Variants in STAT5B observed in about 807,000 individuals in gnomAD.
STAT5B encodes the protein transcription factor STAT5B.
Under a neutral mutation model 107.8 loss-of-function variants are expected in STAT5B, and 21 were observed. The ratio of observed to expected loss-of-function variants is 0.19; its 90% CI spans 0.14 to 0.28. STAT5B has a LOEUF of 0.28. Ranked by LOEUF, STAT5B falls within the 10% of genes least tolerant of loss-of-function variation. STAT5B has a pLI of 1.00. For missense variants in STAT5B, 565 were observed against 1,008.2 expected (o/e 0.56, Z 5.95); for synonymous variants, 325 against 401.7 (o/e 0.81, Z 2.28).
Position 42,220,057 on chromosome 17 carries a change from G to A in STAT5B, c.551-215C>T, listed in dbSNP as rs571049499. ...CTCGCCAGCCTCCTGACTCTGAGCC[G>A]TCCCCTCTGGGGGCACACGGGTGCT... On this transcript the variant is annotated intron_variant, in intron 5 of 18. Coordinates refer to ENST00000293328, the MANE Select transcript of STAT5B (RefSeq NM_012448.4). 1.6e-3 allele frequency among the ~76,000 whole-genome samples: 249 copies of A among 152,294 alleles called. 3 individuals carry two copies. Among genetic ancestry groups the A allele is most frequent in the African/African-American group, 5.6e-3 (231 of 41,582 alleles).
intron 1 of STAT5B, among the ~76,000 whole-genome samples, chr17:42,261,948 C>G (rs557323714): frequency 5.9e-5 from 9 of 152,136 alleles, no homozygotes; most frequent in Non-Finnish European, 1.3e-4. Context: ...AATCCTTCCC[C>G]CTCAGCCTCC....
rs147066043 is a variant in STAT5B, at chr17:42,223,458, T to C, written c.474A>G (p.Thr158=). The C allele has an allele frequency of 4.2e-5, 68 of 1,614,088 alleles. No individual in the cohort carries two copies. The highest frequency in any genetic ancestry group is 5.4e-5 in the Non-Finnish European group (64 of 1,180,042). Residue 158 remains threonine (T), a synonymous_variant, in exon 5 of 19, where the codon ACA becomes ACG. Coordinates refer to ENST00000293328, the MANE Select transcript of STAT5B (RefSeq NM_012448.4). ...GCTGCAGCTTTTTTAACTCATTCTC[T>C]GTGTCCTGCGTGACCAGTCGCAGCT... The part of the protein sequence containing the change: ...FEELRLVTQD[T]ENELKKLQQT...
In STAT5B at chr17:42,218,190, T is replaced by C. The variant is rs1456750265; in HGVS notation, c.1130A>G (p.Gln377Arg). Residue 377 changes from glutamine to arginine, a missense_variant, in exon 9 of 19, where the codon CAG (glutamine) becomes CGG (arginine). This residue lies in a region of STAT5B where 70 missense variants were observed against 73.2 expected (regional missense o/e 0.96). Transcript: ENST00000293328. ...GTTCTTGAGCAGAGACTTGGCCTGC[T>C]GCTCACTGATGATGGTGGCCTTCAC... ...PQVKATIISE[Q>R]QAKSLLKNEN... The C allele has an allele frequency of 1.2e-6, 2 of 1,614,088 alleles. No individual in the cohort carries two copies. Among genetic ancestry groups the C allele is most frequent in the African/African-American group, 2.7e-5 (2 of 74,934 alleles).
chr17:42,207,506 C>G, intron 16 of STAT5B, 52 bp downstream of exon 16: 1 of 1,592,844 alleles, frequency 6.3e-7, no homozygotes, highest in Non-Finnish European at 8.6e-7. Flanking sequence ...CACACACACA[C>G]ACACACACAC....
Position 42,218,174 on chromosome 17 carries a change from C to A in STAT5B, c.1146G>T (p.Leu382=). Residue 382 remains leucine (L), a synonymous_variant, in exon 9 of 19, where the codon CTG becomes CTT. Coordinates refer to ENST00000293328, the MANE Select transcript of STAT5B (RefSeq NM_012448.4). ...ACTTGCGGGTGTTCTCGTTCTTGAG[C>A]AGAGACTTGGCCTGCTGCTCACTGA... The part of the protein sequence containing the change: ...TIISEQQAKS[L]LKNENTRNDY... 1.2e-6 allele frequency: 2 copies of A among 1,614,126 alleles called. No homozygotes were observed. The highest frequency in any genetic ancestry group is 1.7e-6 in the Non-Finnish European group (2 of 1,180,022).
chr17:42,230,838 T>A (rs2080311866), intron 2 of STAT5B, among the ~76,000 whole-genome samples: 1 of 152,002 alleles, frequency 6.6e-6, no homozygotes, highest in African/African-American at 2.4e-5. Context: ...TTTTTTGTAT[T>A]TTCAGTAGAG....
chr17:42,267,094 TA>T (rs1358308733), intron 1 of STAT5B, among the ~76,000 whole-genome samples: 2 of 152,180 alleles, frequency 1.3e-5, no homozygotes, highest in Admixed American at 6.5e-5. Context: ...CATAATGTTG[TA>T]ATGCAATGCA....
At chr17:42,222,300 T>A (rs1196102252) in intron 5 of STAT5B, among the ~76,000 whole-genome samples, 1 of 152,052 alleles carries the variant, frequency 6.6e-6, no homozygotes, top group Non-Finnish European at 1.5e-5. Flanking sequence ...AAGCTCAAAC[T>A]GCCAAACTGC....
In STAT5B at chr17:42,201,196, AGG is replaced by A. The variant is rs2080040809; in HGVS notation, c.*540_*541del. ...ACCCAAGAACACAGGGGTGGGGGAG[AGG>A]GAAGGCTCTCTTTGTCAAAAAGCAG... On this transcript the variant is annotated 3_prime_UTR_variant, in exon 19 of 19. Coordinates refer to ENST00000293328, the MANE Select transcript of STAT5B (RefSeq NM_012448.4). 1.5e-5 allele frequency: 6 copies of A among 413,618 alleles called. No individual in the cohort carries two copies. The highest frequency in any genetic ancestry group is 1.0e-4 in the African/African-American group (5 of 48,848). 25.6% of individuals were successfully genotyped at this position (413,618 alleles called of 1,614,324 possible).
At chr17:42,248,657 T>TC (rs1200522426) in intron 1 of STAT5B, among the ~76,000 whole-genome samples, 1 of 151,902 alleles carries the variant, frequency 6.6e-6, no homozygotes, top group African/African-American at 2.4e-5. Context: ...ACTGAAAGGC[T>TC]CCCACCTCTT....
intron 1 of STAT5B, among the ~76,000 whole-genome samples, chr17:42,248,500 G>C (rs1349330030): frequency 2.0e-5 from 3 of 152,124 alleles, no homozygotes; most frequent in Non-Finnish European, 4.4e-5. Context: ...CATAGTGGGA[G>C]TAAATAAAAT....
chr17:42,230,667 GTTT>G (rs922320856), intron 2 of STAT5B, among the ~76,000 whole-genome samples: 4 of 143,950 alleles, frequency 2.8e-5, no homozygotes, highest in African/African-American at 5.1e-5. Flanking sequence ...GTTTAGTTTT[GTTT>G]TTTTTTTTTA....
chr17:42,266,703 C>T (rs1186746917), intron 1 of STAT5B, among the ~76,000 whole-genome samples: 1 of 151,798 alleles, frequency 6.6e-6, no homozygotes, highest in East Asian at 1.9e-4. Context: ...AGACCCCTGT[C>T]TCTATTTTTT....
rs888253377 is a variant in STAT5B at position 42,199,383 on chromosome 17, A to G, written c.*2355T>C. On this transcript the variant is annotated 3_prime_UTR_variant, in exon 19 of 19. Transcript: ENST00000293328. ...AATTTCACCAAGTTTTAAAAAGAAA[A>G]ATTATAAAAAGTATACTTTCATTTT... 1.3e-5 allele frequency: 2 copies of G among 152,218 alleles called. No homozygotes were observed. Among genetic ancestry groups the G allele is most frequent in the Non-Finnish European group, 2.9e-5 (2 of 68,042 alleles). 9.4% of individuals were successfully genotyped at this position (152,218 alleles called of 1,614,324 possible).
At chr17:42,224,553 G>A (rs2080257300) in intron 4 of STAT5B, among the ~76,000 whole-genome samples, 1 of 151,816 alleles carries the variant, frequency 6.6e-6, no homozygotes, top group Admixed American at 6.6e-5. Flanking sequence ...TGTTGCCCAG[G>A]GTGCTCTCGA....
At chr17:42,258,012 A>G (rs773347651) in intron 1 of STAT5B, among the ~76,000 whole-genome samples, 2 of 152,206 alleles carry the variant, frequency 1.3e-5, no homozygotes, top group African/African-American at 4.8e-5. Context: ...CTTAGAGCAT[A>G]ACAACTTTGT....
the STAT5B span, among the ~76,000 whole-genome samples, chr17:42,282,166 G>A: frequency 6.6e-6 from 1 of 152,172 alleles, no homozygotes; most frequent in African/African-American, 2.4e-5. Flanking sequence ...TATTTATGAA[G>A]ACTCTATTGT....
chr17:42,242,754 G>A (rs1175706613), intron 1 of STAT5B, among the ~76,000 whole-genome samples: 1 of 152,082 alleles, frequency 6.6e-6, no homozygotes. Flanking sequence ...GATCACTCAA[G>A]GTCAAGCATT....
intron 1 of STAT5B, among the ~76,000 whole-genome samples, chr17:42,249,668 T>A (rs1051747781): frequency 2.7e-5 from 4 of 148,156 alleles, no homozygotes; most frequent in Non-Finnish European, 6.0e-5. Flanking sequence ...GAAAATATAA[T>A]TTTTTTTTTT....
Sources: allele counts gnomAD v4.1 joint callset (sites outside exome capture counted in the v4.1 genomes callset), GRCh38; gene constraint gnomAD v4.1.1; regional missense constraint gnomAD v4.1.1; transcripts MANE v1.5; gene names NCBI Gene and HGNC (gene_info 2026-07-23, HGNC 2026-07-21).